Variants in SHC3 observed in about 807,000 individuals in gnomAD.
SHC3 encodes the protein SHC-transforming protein 3.
Under a neutral mutation model 60.4 loss-of-function variants are expected in SHC3, and 15 were observed. The ratio of observed to expected loss-of-function variants is 0.25; its 90% CI spans 0.17 to 0.38. The LOEUF (loss-of-function observed/expected upper bound fraction) is 0.38. SHC3 is among the 10% of genes least tolerant of loss of function. The pLI, the probability that SHC3 is intolerant of heterozygous loss-of-function variation, is 1.00. For missense variants in SHC3, 677 were observed against 786.1 expected, an observed-to-expected ratio of 0.86 and a Z score of 1.66; for synonymous variants, 294 against 325.9, an observed-to-expected ratio of 0.90 and a Z score of 1.05.
intron 2 of SHC3, among the ~76,000 whole-genome samples, chr9:89,089,180 C>A: frequency 6.6e-6 from 1 of 152,180 alleles, no homozygotes; most frequent in South Asian, 2.1e-4. Flanking sequence ...GCTGGCTGTC[C>A]CATCTTAGTC....
chr9:89,122,952 G>T (rs567398113), intron 1 of SHC3, among the ~76,000 whole-genome samples: 1 of 152,226 alleles, frequency 6.6e-6, no homozygotes, highest in East Asian at 1.9e-4. Flanking sequence ...CTGGCAAGGA[G>T]GCAGGAGGCA....
intron 2 of SHC3, among the ~76,000 whole-genome samples, chr9:89,104,644 A>G (rs1170662200): frequency 1.3e-5 from 2 of 152,244 alleles, no homozygotes; most frequent in South Asian, 2.1e-4. Context: ...CTGTGATGAC[A>G]GAGATCTTCT....
chr9:89,006,651 A>C lies in SHC3; in HGVS notation c.*6796T>G, dbSNP rs938209156. On this transcript the variant is annotated 3_prime_UTR_variant, in exon 12 of 12. Transcript: ENST00000375835. ...GTTATTATCTTATTATTACACATTA[A>C]ATTTACATGGAGTTGTCTCCTAATC... 1.3e-5 allele frequency: 2 copies of C among 152,244 alleles called. No individual in the cohort carries two copies. Among genetic ancestry groups the C allele is most frequent in the African/African-American group, 4.8e-5 (2 of 41,458 alleles). 9.4% of individuals were successfully genotyped at this position (152,244 alleles called of 1,614,324 possible). A position where few individuals can be genotyped will look rare whatever the true frequency, so the allele number is the denominator to read the frequency against.
At chr9:89,037,463 C>G (rs1304767475) in intron 11 of SHC3, 1 of 697,972 alleles carries the variant, frequency 1.4e-6, no homozygotes, top group Admixed American at 2.3e-5. Context: ...TCAGCCAAAC[C>G]TACGGGATTA....
rs1368129916 is a variant in SHC3 at position 89,177,556 on chromosome 9, G to A, written c.474+431C>T. On this transcript the variant is annotated intron_variant, in intron 1 of 11. Transcript: ENST00000375835. ...AGATACCCACCCTCCCGCCGGGGAA[G>A]ACACAGCAGGAGTAGGGCCGCCACT... Among the ~76,000 whole-genome samples the A allele has an allele frequency of 2.6e-5, 4 of 152,218 alleles. No homozygotes were observed. In the East Asian group the frequency reaches 5.8e-4, roughly 22 times the overall value.
chr9:89,125,049 G>T (rs1826145269), intron 1 of SHC3, among the ~76,000 whole-genome samples: 1 of 152,096 alleles, frequency 6.6e-6, no homozygotes, highest in Non-Finnish European at 1.5e-5. Context: ...ATACACAGAA[G>T]CCAGAATTAG....
chr9:89,143,199 A>G (rs796083543), intron 1 of SHC3, among the ~76,000 whole-genome samples: 12 of 152,258 alleles, frequency 7.9e-5, no homozygotes, highest in African/African-American at 2.2e-4. Flanking sequence ...CAAGGGGTGG[A>G]TTATTAATGC....
At chr9:89,147,834 G>A (rs934043127) in intron 1 of SHC3, among the ~76,000 whole-genome samples, 46 of 152,146 alleles carry the variant, frequency 3.0e-4, no homozygotes, top group African/African-American at 1.1e-3. Flanking sequence ...GCTCACCTCC[G>A]AAATGTTGAG....
intron 2 of SHC3, chr9:89,109,120 G>A (rs1825908312): frequency 1.0e-6 from 1 of 985,398 alleles, no homozygotes; most frequent in African/African-American, 1.7e-5. Flanking sequence ...CCTGGGGATA[G>A]GAAATCCTCT....
intron 2 of SHC3, among the ~76,000 whole-genome samples, chr9:89,086,159 C>T (rs2118039637): frequency 6.6e-6 from 1 of 152,360 alleles, no homozygotes; most frequent in Middle Eastern, 3.4e-3. Context: ...ACCGCTTGAA[C>T]AAGCCATCAA....
intron 1 of SHC3, among the ~76,000 whole-genome samples, chr9:89,148,308 C>A (rs1826498853): frequency 6.6e-6 from 1 of 151,982 alleles, no homozygotes; most frequent in Non-Finnish European, 1.5e-5. Flanking sequence ...AGTTCAAGAA[C>A]AATGAGGGTT....
At chr9:89,100,311 G>A (rs1317549236) in intron 2 of SHC3, among the ~76,000 whole-genome samples, 1 of 152,124 alleles carries the variant, frequency 6.6e-6, no homozygotes, top group Non-Finnish European at 1.5e-5. Flanking sequence ...GTTTGAAAGA[G>A]AATTCCAAAA....
At chr9:89,159,664 G>A (rs1826675887) in intron 1 of SHC3, among the ~76,000 whole-genome samples, 1 of 152,204 alleles carries the variant, frequency 6.6e-6, no homozygotes, top group South Asian at 2.1e-4. Flanking sequence ...TGAGGAGCAA[G>A]GAGAGCCAGT....
intron 1 of SHC3, among the ~76,000 whole-genome samples, chr9:89,118,985 C>T (rs1826054204): frequency 1.3e-5 from 2 of 151,998 alleles, no homozygotes; most frequent in Admixed American, 1.3e-4. Context: ...GTATTTTTTA[C>T]AATGATCAGA....
intron 11 of SHC3, among the ~76,000 whole-genome samples, chr9:89,016,663 C>T (rs1485773088): frequency 6.6e-6 from 1 of 152,148 alleles, no homozygotes; most frequent in Non-Finnish European, 1.5e-5. Context: ...CATAATTCCT[C>T]ATTCTATGAA....
At chr9:89,161,286 CT>C (rs1349776529) in intron 1 of SHC3, among the ~76,000 whole-genome samples, 2 of 152,146 alleles carry the variant, frequency 1.3e-5, no homozygotes, top group Non-Finnish European at 2.9e-5. Flanking sequence ...CTCGTGAGAT[CT>C]GGTCATTTAA....
Position 89,178,119 on chromosome 9 carries a change from C to A in SHC3, c.342G>T (p.Ser114=). 3 of 1,162,046 alleles carry A rather than the reference C, an allele frequency of 2.6e-6. No individual in the cohort carries two copies. In the South Asian group the frequency reaches 1.3e-4, roughly 49 times the overall value. The allele number at this position is 1,162,046 out of a possible 1,614,324, so 72.0% of individuals were successfully genotyped here. The change falls in exon 1 of 12, where the codon TCG becomes TCT. Residue 114 remains serine, a synonymous_variant. Coordinates refer to ENST00000375835, the MANE Select transcript of SHC3 (RefSeq NM_016848.6). The surrounding 1 kb of genome is among the most constrained non-coding windows in gnomAD (Gnocchi z 6.9). The stretch of plus-strand genomic sequence containing the variant: ...CGCTCATGGCCGGGGCGCGGGGCGC[C>A]GAGGGCGCACTGCCGTCCGGGGCGG... ...SLAAPDGSAP[S]APRAPAMSAA... is the part of the protein sequence containing the mutation.
chr9:89,137,197 G>A (rs1826332227), intron 1 of SHC3, among the ~76,000 whole-genome samples: 1 of 152,094 alleles, frequency 6.6e-6, no homozygotes, highest in South Asian at 2.1e-4. Flanking sequence ...TTAGTGGGGG[G>A]ACACAAAGCT....
chr9:89,039,681 CCAT>C (rs1180090431), intron 10 of SHC3, among the ~76,000 whole-genome samples: 1 of 151,692 alleles, frequency 6.6e-6, no homozygotes, highest in Non-Finnish European at 1.5e-5. Context: ...ACCATCATAA[CCAT>C]CATCATCACC....
Sources: allele counts gnomAD v4.1 joint callset (sites outside exome capture counted in the v4.1 genomes callset), GRCh38; gene constraint gnomAD v4.1.1; non-coding constraint Gnocchi (gnomAD v3.1); transcripts MANE v1.5; gene names NCBI Gene and HGNC (gene_info 2026-07-23, HGNC 2026-07-21).